LRP1B: variants seen among roughly 807,000 people sequenced by gnomAD.
LRP1B encodes the protein LDL receptor related protein 1B.
LRP1B carries 217 observed loss-of-function variants against 556.6 expected under a neutral mutation model. That is an observed-to-expected ratio of 0.39 (90% CI 0.35 to 0.44). LRP1B has a LOEUF of 0.44. Ranked by LOEUF, LRP1B falls within the 20% of genes least tolerant of loss-of-function variation. LRP1B has a pLI of 1.00. For synonymous variants in LRP1B, 2,047 were observed against 1,865.8 expected, an observed-to-expected ratio of 1.10 and a Z score of -2.50; for missense variants, 5,053 against 5,620.8, an observed-to-expected ratio of 0.90 and a Z score of 3.23.
intron 1 of LRP1B, among the ~76,000 whole-genome samples, chr2:142,076,459 G>C (rs1402920800): frequency 2.0e-5 from 3 of 152,004 alleles, no homozygotes; most frequent in African/African-American, 7.2e-5. Flanking sequence ...TGAGGAAAAA[G>C]CAACAAAGAG....
intron 35 of LRP1B, among the ~76,000 whole-genome samples, chr2:140,747,472 A>G (rs1202545022): frequency 2.6e-5 from 4 of 152,168 alleles, no homozygotes; most frequent in African/African-American, 9.7e-5. Flanking sequence ...ATAGCTTTTT[A>G]TGGTGTAGCC....
intron 43 of LRP1B, among the ~76,000 whole-genome samples, chr2:140,565,884 C>T (rs1329825728): frequency 6.6e-6 from 1 of 152,076 alleles, no homozygotes; most frequent in African/African-American, 2.4e-5. Flanking sequence ...CCAGTAGCTC[C>T]CATTAACACC....
At chr2:141,940,408 G>A (rs963433507) in intron 1 of LRP1B, among the ~76,000 whole-genome samples, 20 of 152,148 alleles carry the variant, frequency 1.3e-4, no homozygotes, top group South Asian at 2.1e-4. Context: ...TCTACTAAGC[G>A]GGGGAAGAAA....
intron 1 of LRP1B, among the ~76,000 whole-genome samples, chr2:142,067,299 A>G (rs1029561744): frequency 6.6e-6 from 1 of 151,536 alleles, no homozygotes; most frequent in Non-Finnish European, 1.5e-5. Flanking sequence ...GGACCCAGAT[A>G]TCTTTGAGGG....
At chr2:141,392,047 G>A (rs1278555697) in intron 3 of LRP1B, among the ~76,000 whole-genome samples, 1 of 152,120 alleles carries the variant, frequency 6.6e-6, no homozygotes. Context: ...GTGGACCATG[G>A]TGTTTGATGC....
At chr2:141,995,414 T>C (rs556137393) in intron 1 of LRP1B, among the ~76,000 whole-genome samples, 10 of 152,292 alleles carry the variant, frequency 6.6e-5, no homozygotes, top group Admixed American at 2.0e-4. Flanking sequence ...TGCTTCTGAC[T>C]CTGACTCTTC....
chr2:141,510,739 C>T (rs184200427), intron 2 of LRP1B, among the ~76,000 whole-genome samples: 23 of 152,098 alleles, frequency 1.5e-4, no homozygotes, highest in Non-Finnish European at 2.1e-4. Context: ...ACATTTCCAT[C>T]ATGTTGCCTG....
intron 1 of LRP1B, among the ~76,000 whole-genome samples, chr2:141,879,785 CATAATT>C (rs1464563027): frequency 6.6e-6 from 1 of 151,948 alleles, no homozygotes; most frequent in East Asian, 1.9e-4. Context: ...TGGAACGTCT[CATAATT>C]ATAATTAGCA....
chr2:140,914,894 A>G (rs1694530069), intron 21 of LRP1B, among the ~76,000 whole-genome samples: 1 of 152,090 alleles, frequency 6.6e-6, no homozygotes, highest in South Asian at 2.1e-4. Flanking sequence ...TTAAGCTTCT[A>G]CTGTGTTCTA....
chr2:140,945,755 A>T (rs78713862), intron 20 of LRP1B, among the ~76,000 whole-genome samples: 4,745 of 152,298 alleles, frequency 0.031, 119 homozygotes, highest in Middle Eastern at 0.061. Context: ...AACTATAAAA[A>T]TCCTAGAAGA....
At chr2:140,683,862 C>T (rs1685951803) in intron 41 of LRP1B, 8 of 595,176 alleles carry the variant, frequency 1.3e-5, no homozygotes, top group Non-Finnish European at 2.4e-5. Context: ...GCTCCGCGGC[C>T]CCCTGCGCCT....
chr2:141,974,575 T>C (rs1199454229), intron 1 of LRP1B, among the ~76,000 whole-genome samples: 2 of 152,028 alleles, frequency 1.3e-5, no homozygotes, highest in Non-Finnish European at 2.9e-5. Context: ...TGAATGTCAA[T>C]ACATTATTCA....
At chr2:140,699,553 A>G (rs1686554953) in intron 41 of LRP1B, among the ~76,000 whole-genome samples, 1 of 151,770 alleles carries the variant, frequency 6.6e-6, no homozygotes, top group Non-Finnish European at 1.5e-5. Context: ...TGAAACTGGA[A>G]GAATGGGAAA....
Position 140,297,856 on chromosome 2 carries a change from G to A in LRP1B, c.12919C>T (p.Pro4307Ser), listed in dbSNP as rs1558781017. Reference protein sequence around the residue: ...GTCIVTAGNQPYCHCQPEYTG... With the variant: ...GTCIVTAGNQSYCHCQPEYTG... ...TATTCCGGCTGGCAGTGGCAGTAAGGCTGGTTTCCAGCAGTCACAATGCAG... is the reference window on the plus strand; with the variant it reads ...TATTCCGGCTGGCAGTGGCAGTAAGACTGGTTTCCAGCAGTCACAATGCAG... The change falls in exon 84 of 91, where the codon CCT becomes TCT. Residue 4307 changes from proline (P) to serine (S), a missense_variant. This residue lies in a region of LRP1B where 551 missense variants were observed against 592.0 expected (regional missense o/e 0.93). Coordinates refer to ENST00000389484, the MANE Select transcript of LRP1B (RefSeq NM_018557.3). The A allele has an allele frequency of 6.2e-7, 1 of 1,613,938 alleles. No homozygotes were observed. Among genetic ancestry groups the A allele is most frequent in the Admixed American group, 1.7e-5 (1 of 60,010 alleles).
intron 2 of LRP1B, among the ~76,000 whole-genome samples, chr2:141,662,005 G>A (rs1281249981): frequency 6.6e-6 from 1 of 152,206 alleles, no homozygotes; most frequent in Non-Finnish European, 1.5e-5. Context: ...CTACAAGGCA[G>A]AAGAGATTAG....
intron 2 of LRP1B, among the ~76,000 whole-genome samples, chr2:141,559,751 C>T (rs747393810): frequency 2.0e-5 from 3 of 151,552 alleles, no homozygotes; most frequent in Admixed American, 1.3e-4. Context: ...AATTGAGGCA[C>T]AATTGGCCTA....
chr2:141,596,994 A>G (rs1035640875), intron 2 of LRP1B, among the ~76,000 whole-genome samples: 9 of 150,526 alleles, frequency 6.0e-5, no homozygotes, highest in Admixed American at 5.3e-4. Context: ...AAAAAGTCAG[A>G]ACTGACGTGT....
chr2:141,222,591 G>C (rs1434151592), intron 6 of LRP1B, among the ~76,000 whole-genome samples: 1 of 152,072 alleles, frequency 6.6e-6, no homozygotes, highest in Non-Finnish European at 1.5e-5. Context: ...GGAAACTTTA[G>C]TCCAATATCC....
chr2:141,741,236 C>T (rs1693689295), intron 2 of LRP1B, among the ~76,000 whole-genome samples: 1 of 128,278 alleles, frequency 7.8e-6, no homozygotes, highest in Admixed American at 8.2e-5. Flanking sequence ...CACAGGCGTG[C>T]AGTTATCTCT....
Sources: gnomAD v4.1 joint callset for allele counts (sites outside exome capture counted in the v4.1 genomes callset) on GRCh38, gnomAD v4.1.1 for gene constraint, gnomAD v4.1.1 regional missense constraint, MANE v1.5 for transcripts, NCBI Gene and HGNC (gene_info 2026-07-23, HGNC 2026-07-21) for gene names.